The following NAV3 variants were observed in gnomAD, a reference collection of about 807,000 sequenced individuals.
The protein encoded by NAV3 is neuron navigator 3, also known as pore membrane and/or filament interacting like protein 1.
In NAV3, 87 loss-of-function variants were observed where a neutral mutation model predicts 244.7. That is an observed-to-expected ratio of 0.36 (90% CI 0.30 to 0.42). The LOEUF (loss-of-function observed/expected upper bound fraction) is 0.42, where lower values mean the gene tolerates loss of function less well. Ranked by LOEUF, NAV3 falls within the 20% of genes least tolerant of loss-of-function variation. The pLI, the probability that NAV3 is intolerant of heterozygous loss-of-function variation, is 1.00. For missense variants in NAV3, 2,663 were observed against 2,893.3 expected, an observed-to-expected ratio of 0.92 and a Z score of 1.83; for synonymous variants, 1,126 against 1,042.2, an observed-to-expected ratio of 1.08 and a Z score of -1.55.
chr12:77,837,986 CT>C (rs1874967771), intron 1 of NAV3, among the ~76,000 whole-genome samples: 1 of 152,230 alleles, frequency 6.6e-6, no homozygotes, highest in African/African-American at 2.4e-5. Context: ...TTGCTGAGGA[CT>C]GTCAATGCTC....
chr12:77,964,182 A>G (rs1892314519), intron 3 of NAV3, among the ~76,000 whole-genome samples: 1 of 152,072 alleles, frequency 6.6e-6, no homozygotes, highest in Admixed American at 6.6e-5. Context: ...TATGCTGGTT[A>G]AATGGTAGGC....
Position 78,175,341 on chromosome 12 carries a change from G to A in NAV3, c.5017G>A (p.Val1673Ile), listed in dbSNP as rs1403726569. The change falls in exon 25 of 40, where the codon GTT (valine) becomes ATT (isoleucine). Residue 1673 changes from valine to isoleucine, a missense_variant. By Grantham distance (29) the Val-to-Ile change is conservative. Coordinates refer to ENST00000397909, the MANE Select transcript of NAV3 (RefSeq NM_001024383.2). ...CAGAAGACAGCATTCCTCTGAAAGT[G>A]TTTCTAGTATCAACAGTGCCACAAG... is the stretch of plus-strand genomic sequence containing the variant. ...RIRRQHSSES[V>I]SSINSATSHS... is the part of the protein sequence containing the mutation. 4.3e-6 allele frequency: 7 copies of A among 1,611,478 alleles called. No homozygotes were observed. Among genetic ancestry groups the A allele is most frequent in the Non-Finnish European group, 5.9e-6 (7 of 1,178,310 alleles).
At chr12:77,704,422 A>G (rs959184519) in intron 2 of NAV3, among the ~76,000 whole-genome samples, 1 of 152,210 alleles carries the variant, frequency 6.6e-6, no homozygotes, top group Non-Finnish European at 1.5e-5. Context: ...CCGTATCCCA[A>G]ATGCTACTCA....
chr12:77,757,690 G>C (rs1019788128), intron 2 of NAV3, among the ~76,000 whole-genome samples: 1 of 152,130 alleles, frequency 6.6e-6, no homozygotes, highest in Admixed American at 6.6e-5. Flanking sequence ...TTAAGTAAGA[G>C]AGATATGATT....
intron 8 of NAV3, among the ~76,000 whole-genome samples, chr12:78,009,483 G>T (rs1324191964): frequency 6.8e-6 from 1 of 147,990 alleles, no homozygotes; most frequent in African/African-American, 2.5e-5. Context: ...AGAAAAAAAG[G>T]GCGATAGAAT....
At chr12:78,036,601 G>T (rs1879925839) in intron 9 of NAV3, 1 of 309,462 alleles carries the variant, frequency 3.2e-6, no homozygotes, top group Non-Finnish European at 6.0e-6. Flanking sequence ...TCAGCTGGAG[G>T]AGAGTCTTTG....
At chr12:78,176,344 A>C (rs421616) in intron 25 of NAV3, 95 bp from the exon 26 acceptor site, 2 of 1,200,222 alleles carry the variant, frequency 1.7e-6, no homozygotes, top group Admixed American at 4.6e-5. Flanking sequence ...ATATCTTTTT[A>C]TCTTAAAAAA....
intron 7 of NAV3, among the ~76,000 whole-genome samples, chr12:78,001,882 G>T (rs1873369940): frequency 6.6e-6 from 1 of 152,188 alleles, no homozygotes; most frequent in African/African-American, 2.4e-5. Context: ...GAGTGCTTCA[G>T]TTTCTTCTCC....
At chr12:78,188,877 A>G (rs1439727305) in intron 33 of NAV3, 100 bp downstream of exon 33, 14 of 1,057,732 alleles carry the variant, frequency 1.3e-5, no homozygotes, top group Non-Finnish European at 1.7e-5. Context: ...AAATTTTTCT[A>G]TTTGAAAACT....
rs1264952532 is a variant in NAV3, at chr12:78,188,371, A to G, written c.5886+28A>G. On this transcript the variant is annotated intron_variant, in intron 32 of 39. Coordinates refer to ENST00000397909, the MANE Select transcript of NAV3 (RefSeq NM_001024383.2). The stretch of plus-strand genomic sequence containing the variant: ...ATGTTGTGCAAGACACCCTAATAGT[A>G]CTTTTCAAATATGTTTCTCTTTAAT... The G allele has an allele frequency of 3.3e-6, 5 of 1,527,622 alleles. No homozygotes were observed. In the African/African-American group the frequency reaches 5.5e-5, roughly 17 times the overall value. 94.6% of individuals were successfully genotyped at this position (1,527,622 alleles called of 1,614,324 possible). A position where few individuals can be genotyped will look rare whatever the true frequency, so the allele number is the denominator to read the frequency against.
In NAV3 at chr12:77,996,402, A is replaced by G. The variant is rs77281881; in HGVS notation, c.740+1531A>G. On this transcript the variant is annotated intron_variant, in intron 6 of 39. Transcript: ENST00000397909. ...AAGTTAAATGCTGGAATCATTTGGA[A>G]AATATTCTAATACTTTGTATGACAC... 4.2e-4 allele frequency among the ~76,000 whole-genome samples: 64 copies of G among 152,344 alleles called. 1 individual carries two copies. In the East Asian group the frequency reaches 0.01, roughly 25 times the overall value.
intron 2 of NAV3, among the ~76,000 whole-genome samples, chr12:77,666,549 T>G (rs1276390215): frequency 6.6e-6 from 1 of 152,218 alleles, no homozygotes; most frequent in African/African-American, 2.4e-5. Flanking sequence ...TAACGCATTC[T>G]GAGAATAAAT....
intron 2 of NAV3, among the ~76,000 whole-genome samples, chr12:77,684,127 T>G (rs954262356): frequency 3.3e-5 from 5 of 152,224 alleles, no homozygotes; most frequent in African/African-American, 1.2e-4. Flanking sequence ...ATTTTAGCCA[T>G]TCTAATGAGT....
intron 2 of NAV3, among the ~76,000 whole-genome samples, chr12:77,682,298 C>T (rs1874510324): frequency 6.6e-6 from 1 of 152,276 alleles, no homozygotes; most frequent in African/African-American, 2.4e-5. Flanking sequence ...ATAATATCCT[C>T]CAGATTCACC....
At chr12:77,826,339 C>T (rs1873003371), upstream of NAV3, among the ~76,000 whole-genome samples, 1 of 151,992 alleles carries the variant, frequency 6.6e-6, no homozygotes, top group African/African-American at 2.4e-5. Context: ...GAAACCCTGT[C>T]TCTACTAAAA....
rs1959194870 is a variant in NAV3, at chr12:78,197,540, T to G, written c.6446+139T>G. 1.2e-5 allele frequency: 7 copies of G among 571,168 alleles called. No homozygotes were observed. In the South Asian group the frequency reaches 2.2e-4, roughly 18 times the overall value. The allele number at this position is 571,168 out of a possible 1,614,324, so 35.4% of individuals were successfully genotyped here. A position where few individuals can be genotyped will look rare whatever the true frequency, so the allele number is the denominator to read the frequency against. On this transcript the variant is annotated intron_variant, in intron 35 of 39. Coordinates refer to ENST00000397909, the MANE Select transcript of NAV3 (RefSeq NM_001024383.2). ...AAATTGACAGATAAAACTGTACATA[T>G]TGATTGTGTACACCATGATGTTTTG...
Position 77,959,596 on chromosome 12 carries a change from A to G in NAV3, c.415-6633A>G, listed in dbSNP as rs1485626070. Among the ~76,000 whole-genome samples, 4 of 152,068 alleles carry G rather than the reference A, an allele frequency of 2.6e-5. No homozygotes were observed. The East Asian group carries it at 5.8e-4, about 22-fold the overall frequency. On this transcript the variant is annotated intron_variant, in intron 3 of 39. Transcript: ENST00000397909. ...AACTGACTCTTCTAAGTAATTATACATATTATCTGCTTTTAATTTTTCTTA... is the reference window on the plus strand; with the variant it reads ...AACTGACTCTTCTAAGTAATTATACGTATTATCTGCTTTTAATTTTTCTTA...
intron 2 of NAV3, among the ~76,000 whole-genome samples, chr12:77,780,643 AC>A (rs981454449): frequency 6.6e-6 from 1 of 152,058 alleles, no homozygotes; most frequent in Admixed American, 6.5e-5. Flanking sequence ...TGGGTCCCCA[AC>A]CCCCAACAGG....
chr12:77,724,813 G>A (rs190808642), intron 2 of NAV3, among the ~76,000 whole-genome samples: 2 of 151,996 alleles, frequency 1.3e-5, no homozygotes, highest in Non-Finnish European at 2.9e-5. Context: ...TGAAGATACT[G>A]TATAAATTAA....
Sources: gnomAD v4.1 joint callset for allele counts (sites outside exome capture counted in the v4.1 genomes callset) on GRCh38, gnomAD v4.1.1 for gene constraint, MANE v1.5 for transcripts, NCBI Gene and HGNC (gene_info 2026-07-23, HGNC 2026-07-21) for gene names.